PHYHD1: variants seen among roughly 807,000 people sequenced by gnomAD.
PHYHD1 encodes the protein phytanoyl-CoA dioxygenase domain containing 1.
PHYHD1 carries 42 observed loss-of-function variants against 43.6 expected under a neutral mutation model. The observed-to-expected ratio is 0.96, with a 90% confidence interval of 0.75 to 1.25. The LOEUF is 1.25. Among genes scored for constraint, PHYHD1 ranks in the 50% most tolerant of loss-of-function variants. The probability of loss-of-function intolerance (pLI) is 0.00; values close to 1 mark genes in which losing one functional copy is unlikely to be tolerated. For synonymous variants in PHYHD1, 139 were observed against 143.6 expected, an observed-to-expected ratio of 0.97 and a Z score of 0.23; for missense variants, 342 against 370.8, an observed-to-expected ratio of 0.92 and a Z score of 0.64.
At chr9:128,937,489 C>T (rs1431351651) in intron 8 of PHYHD1, among the ~76,000 whole-genome samples, 1 of 152,174 alleles carries the variant, frequency 6.6e-6, no homozygotes, top group African/African-American at 2.4e-5. Flanking sequence ...CTAGCCTCTC[C>T]CTCCAGTCCT....
intron 12 of PHYHD1, 43 bp downstream of exon 12, chr9:128,941,614 G>T: frequency 6.2e-7 from 1 of 1,614,190 alleles, no homozygotes; most frequent in Non-Finnish European, 8.5e-7. Context: ...GTCCCCTGGA[G>T]GCTGGGAACA....
At position 128,941,730 on chromosome 9, in the gene PHYHD1, G is replaced by A. The variant is rs778659820; in HGVS notation, c.*17G>A. The A allele has an allele frequency of 1.2e-6, 2 of 1,614,136 alleles. No homozygotes were observed. The highest frequency in any genetic ancestry group is 1.1e-5 in the South Asian group (1 of 91,088). ...TACACCTAAAGGCTCTCGCAGGGCA[G>A]GAGCCCTCGCCCCTCCCGGGTGAAG... On this transcript the variant is annotated 3_prime_UTR_variant, in exon 13 of 13. Transcript: ENST00000372592.
intron 3 of PHYHD1, among the ~76,000 whole-genome samples, chr9:128,923,872 CT>C (rs1165546783): frequency 2.0e-5 from 3 of 152,162 alleles, no homozygotes; most frequent in Non-Finnish European, 2.9e-5. Context: ...AATCCCAGCA[CT>C]TTGGGAGGCC....
At chr9:128,925,229 CTTT>C (rs573388244) in intron 3 of PHYHD1, among the ~76,000 whole-genome samples, 1 of 141,378 alleles carries the variant, frequency 7.1e-6, no homozygotes. Context: ...CTTTTTCTTT[CTTT>C]TTTTTTTTTT....
At chr9:128,923,400 T>G (rs777418704) in intron 3 of PHYHD1, among the ~76,000 whole-genome samples, 2 of 152,194 alleles carry the variant, frequency 1.3e-5, no homozygotes, top group African/African-American at 4.8e-5. Context: ...TAAAGGAGGC[T>G]GTACTGCTAT....
chr9:128,940,781 C>A, intron 11 of PHYHD1, 66 bp downstream of exon 11: 1 of 1,532,350 alleles, frequency 6.5e-7, no homozygotes, highest in Non-Finnish European at 8.9e-7. Context: ...GCTCGACTAC[C>A]CAGCGTCCAA....
intron 3 of PHYHD1, among the ~76,000 whole-genome samples, chr9:128,924,478 G>T (rs1378666952): frequency 6.6e-6 from 1 of 152,060 alleles, no homozygotes; most frequent in East Asian, 1.9e-4. Flanking sequence ...CAGGCGTGGT[G>T]GTGTGCACCT....
Position 128,941,841 on chromosome 9 carries a change from C to T in PHYHD1, c.*128C>T, listed in dbSNP as rs536698086. ...CTCCCCTCCTGGGCTTTCCTCCTGC[C>T]CTGTGGGCAGCAGCCTAGGCTGGGT... On this transcript the variant is annotated 3_prime_UTR_variant, in exon 13 of 13. Transcript: ENST00000372592. The T allele has an allele frequency of 1.8e-5, 24 of 1,326,304 alleles. No homozygotes were observed. In the East Asian group the frequency reaches 2.4e-4, roughly 13 times the overall value. The allele number at this position is 1,326,304 out of a possible 1,614,324, so 82.2% of individuals were successfully genotyped here. A position where few individuals can be genotyped will look rare whatever the true frequency, so the allele number is the denominator to read the frequency against.
intron 9 of PHYHD1, chr9:128,938,025 G>C: frequency 7.5e-7 from 1 of 1,324,614 alleles, no homozygotes; most frequent in South Asian, 1.6e-5. Context: ...AGATTTCCTA[G>C]GACAGGCGTG....
Position 128,941,560 on chromosome 9 carries a change from C to T in PHYHD1, c.819C>T (p.Ser273=), listed in dbSNP as rs750170254. 68 of 1,614,012 alleles carry T rather than the reference C, an allele frequency of 4.2e-5. No individual in the cohort carries two copies. The highest frequency in any genetic ancestry group is 5.7e-5 in the Non-Finnish European group (67 of 1,180,032). ...TGGAGGCCTCTGGCACCACCTGGAGCCCGGAGAACTGGTAGGTGACAGGGT... is the reference window on the plus strand; with the variant it reads ...TGGAGGCCTCTGGCACCACCTGGAGTCCGGAGAACTGGTAGGTGACAGGGT... ...HLMEASGTTW[S]PENWLQPTAE... is the part of the protein sequence containing the mutation. The change falls in exon 12 of 13, where the codon AGC becomes AGT. Residue 273 remains serine (S), a synonymous_variant. Coordinates refer to ENST00000372592, the MANE Select transcript of PHYHD1 (RefSeq NM_001100876.2).
intron 3 of PHYHD1, among the ~76,000 whole-genome samples, chr9:128,926,039 A>G (rs1172642831): frequency 6.6e-6 from 1 of 152,158 alleles, no homozygotes; most frequent in Non-Finnish European, 1.5e-5. Flanking sequence ...GGTCTCTTTC[A>G]CTAGACTGTA....
At chr9:128,933,679 A>G in intron 4 of PHYHD1, 103 bp from the exon 5 acceptor site, 2 of 1,254,176 alleles carry the variant, frequency 1.6e-6, no homozygotes, top group Non-Finnish European at 2.3e-6. Flanking sequence ...GGGTGTCTGT[A>G]ACCCTGTGAG....
At chr9:128,940,153 T>G (rs1219050749) in intron 9 of PHYHD1, among the ~76,000 whole-genome samples, 3 of 152,178 alleles carry the variant, frequency 2.0e-5, no homozygotes, top group African/African-American at 7.2e-5. Context: ...TGAGGTAGGT[T>G]GTTGTTGGAG....
At chr9:128,927,845 GGCCA>G (rs938806209) in intron 4 of PHYHD1, among the ~76,000 whole-genome samples, 1 of 152,172 alleles carries the variant, frequency 6.6e-6, no homozygotes, top group Non-Finnish European at 1.5e-5. Context: ...GCCACTTTGT[GGCCA>G]GCCACCTGGA....
intron 3 of PHYHD1, among the ~76,000 whole-genome samples, chr9:128,925,761 C>T (rs1841116684): frequency 6.6e-6 from 1 of 152,126 alleles, no homozygotes; most frequent in South Asian, 2.1e-4. Flanking sequence ...CCACCCCTCC[C>T]CTCACTCTGC....
At chr9:128,923,055 C>T (rs955949439) in intron 3 of PHYHD1, among the ~76,000 whole-genome samples, 3 of 151,308 alleles carry the variant, frequency 2.0e-5, no homozygotes, top group African/African-American at 7.3e-5. Flanking sequence ...AACGACTCTC[C>T]TACCTTAGCC....
intron 3 of PHYHD1, among the ~76,000 whole-genome samples, chr9:128,926,270 G>C (rs1841130712): frequency 6.6e-6 from 1 of 152,056 alleles, no homozygotes; most frequent in African/African-American, 2.4e-5. Context: ...CGCTTTTGTT[G>C]CCCAGGCTGG....
At chr9:128,932,093 C>G (rs948376776) in intron 4 of PHYHD1, among the ~76,000 whole-genome samples, 1 of 151,540 alleles carries the variant, frequency 6.6e-6, no homozygotes, top group Admixed American at 6.6e-5. Flanking sequence ...CCTCAGCCTC[C>G]CAGAGTGCTG....
chr9:128,940,858 G>A (rs547506672), intron 11 of PHYHD1, 143 bp downstream of exon 11: 102 of 781,088 alleles, frequency 1.3e-4, no homozygotes, highest in African/African-American at 1.1e-3. Context: ...CTGGATGGGC[G>A]CTGGGAAGTC....
Sources: gnomAD v4.1 joint callset for allele counts (sites outside exome capture counted in the v4.1 genomes callset) on GRCh38, gnomAD v4.1.1 for gene constraint, MANE v1.5 for transcripts, NCBI Gene and HGNC (gene_info 2026-07-23, HGNC 2026-07-21) for gene names.